The following UBE2Q2 variants were observed in gnomAD, a reference collection of about 807,000 sequenced individuals.
The protein encoded by UBE2Q2 is ubiquitin conjugating enzyme E2 Q2, also known as ubiquitin-conjugating enzyme E2 Q2.
Under a neutral mutation model 59.9 loss-of-function variants are expected in UBE2Q2, and 54 were observed. That is an observed-to-expected ratio of 0.90 (90% CI 0.72 to 1.13). The LOEUF is 1.13. Among genes scored for constraint, UBE2Q2 ranks in the 50% most tolerant of loss-of-function variants. The pLI, the probability that UBE2Q2 is intolerant of heterozygous loss-of-function variation, is 0.00. For missense variants in UBE2Q2, 433 were observed against 441.9 expected (o/e 0.98, Z 0.18); for synonymous variants, 165 against 155.2 (o/e 1.06, Z -0.47).
chr15:75,862,948 G>C (rs570454437), intron 3 of UBE2Q2, among the ~76,000 whole-genome samples: 2 of 151,844 alleles, frequency 1.3e-5, no homozygotes, highest in African/African-American at 4.8e-5. Context: ...TTATCTCCTG[G>C]TGCAATCATA....
chr15:75,899,594 TCATCTGA>T lies in UBE2Q2; in HGVS notation c.*141_*147del. 3.1e-6 allele frequency: 2 copies of T among 637,042 alleles called. No homozygotes were observed. Among genetic ancestry groups the T allele is most frequent in the Non-Finnish European group, 5.1e-6 (2 of 389,760 alleles). The allele number at this position is 637,042 out of a possible 1,614,324, so 39.5% of individuals were successfully genotyped here. A position where few individuals can be genotyped will look rare whatever the true frequency, so the allele number is the denominator to read the frequency against. On this transcript the variant is annotated 3_prime_UTR_variant, in exon 13 of 13. Coordinates refer to ENST00000267938, the MANE Select transcript of UBE2Q2 (RefSeq NM_173469.4). ...AATAGATATTTTAGTGGATAATCTG[TCATCTGA>T]CATCCAGTATAAGTTACAGCCTTTG...
At chr15:75,890,175 A>G (rs2141665821) in intron 9 of UBE2Q2, among the ~76,000 whole-genome samples, 1 of 152,342 alleles carries the variant, frequency 6.6e-6, no homozygotes, top group South Asian at 2.1e-4. Flanking sequence ...TTAATTACTG[A>G]TATCATACAA....
At chr15:75,871,105 C>G (rs2141609224) in intron 4 of UBE2Q2, among the ~76,000 whole-genome samples, 1 of 152,284 alleles carries the variant, frequency 6.6e-6, no homozygotes, top group South Asian at 2.1e-4. Context: ...GGTCAGCAGA[C>G]AAACACGTGA....
At position 75,897,593 on chromosome 15, in the gene UBE2Q2, G is replaced by T. The variant is rs1899503112; in HGVS notation, c.1096+532G>T. Among the ~76,000 whole-genome samples the T allele has an allele frequency of 4.7e-5, 7 of 150,100 alleles. No individual in the cohort carries two copies. The South Asian group carries it at 1.5e-3, about 31-fold the overall frequency. ...CTAGGTATCTCAGAGTCAGAATCAAGATTTCTTTTTTTTTTTTTTTAGTAG... is the reference window on the plus strand; with the variant it reads ...CTAGGTATCTCAGAGTCAGAATCAATATTTCTTTTTTTTTTTTTTTAGTAG... On this transcript the variant is annotated intron_variant, in intron 12 of 12. Coordinates refer to ENST00000267938, the MANE Select transcript of UBE2Q2 (RefSeq NM_173469.4).
chr15:75,864,177 C>CT (rs1268465283), intron 3 of UBE2Q2, among the ~76,000 whole-genome samples: 2 of 152,086 alleles, frequency 1.3e-5, no homozygotes, highest in East Asian at 3.9e-4. Context: ...TAAGGTTATA[C>CT]TTTGTTTCCT....
chr15:75,849,466 G>A (rs1254907656), intron 1 of UBE2Q2, among the ~76,000 whole-genome samples: 2 of 152,138 alleles, frequency 1.3e-5, no homozygotes, highest in Non-Finnish European at 2.9e-5. Context: ...TTGAGATAGA[G>A]CCACACAATG....
rs372868686 is a variant in UBE2Q2 at position 75,879,041 on chromosome 15, TAAAAA to T, written c.735-50_735-46del. ...ATACTAGTTCATTTTTGAGTTTAGT[TAAAAA>T]AAAAAATCTCTAACTTTTTATTTGA... On this transcript the variant is annotated intron_variant, in intron 7 of 12. Coordinates refer to ENST00000267938, the MANE Select transcript of UBE2Q2 (RefSeq NM_173469.4). 1.7e-5 allele frequency: 20 copies of T among 1,164,488 alleles called. No homozygotes were observed. In the African/African-American group the frequency reaches 2.4e-4, roughly 14 times the overall value. 72.1% of individuals were successfully genotyped at this position (1,164,488 alleles called of 1,614,324 possible).
intron 3 of UBE2Q2, among the ~76,000 whole-genome samples, chr15:75,861,086 A>G (rs1897185199): frequency 6.6e-6 from 1 of 152,182 alleles, no homozygotes; most frequent in Non-Finnish European, 1.5e-5. Flanking sequence ...AAATGGGGGA[A>G]CCAGTAATAA....
chr15:75,877,519 T>C (rs867470310), intron 6 of UBE2Q2, among the ~76,000 whole-genome samples: 2 of 152,052 alleles, frequency 1.3e-5, no homozygotes, highest in Non-Finnish European at 2.9e-5. Context: ...TGTTAAAGCA[T>C]ATCCATAAAA....
At chr15:75,854,084 G>A (rs1487570449) in intron 1 of UBE2Q2, among the ~76,000 whole-genome samples, 1 of 152,112 alleles carries the variant, frequency 6.6e-6, no homozygotes, top group Non-Finnish European at 1.5e-5. Flanking sequence ...TAGGTCCAGG[G>A]GCGGGAATTT....
chr15:75,855,036 AT>A (rs1417498785), intron 2 of UBE2Q2, among the ~76,000 whole-genome samples: 1 of 152,226 alleles, frequency 6.6e-6, no homozygotes, highest in Non-Finnish European at 1.5e-5. Flanking sequence ...AGGAAAAAAA[AT>A]TAAAATCTCC....
chr15:75,854,159 T>G (rs956415103), intron 1 of UBE2Q2, among the ~76,000 whole-genome samples: 3 of 152,190 alleles, frequency 2.0e-5, no homozygotes, highest in Non-Finnish European at 4.4e-5. Flanking sequence ...CCTACCAGTG[T>G]TGAAGAAAAT....
intron 2 of UBE2Q2, among the ~76,000 whole-genome samples, chr15:75,858,460 A>C (rs1236367703): frequency 6.6e-6 from 1 of 152,020 alleles, no homozygotes; most frequent in Non-Finnish European, 1.5e-5. Context: ...TCTTTTATAT[A>C]CTACTGTTCT....
At chr15:75,863,545 G>A (rs1897299564) in intron 3 of UBE2Q2, among the ~76,000 whole-genome samples, 2 of 151,616 alleles carry the variant, frequency 1.3e-5, no homozygotes, top group East Asian at 1.9e-4. Flanking sequence ...CCGGGTTCAA[G>A]TGATTCTCCT....
chr15:75,851,165 T>C (rs1254597853), intron 1 of UBE2Q2, among the ~76,000 whole-genome samples: 2 of 151,736 alleles, frequency 1.3e-5, no homozygotes. Flanking sequence ...GGGGGTTCAC[T>C]GTGTTGCCCA....
intron 11 of UBE2Q2, among the ~76,000 whole-genome samples, chr15:75,892,859 C>G (rs1453220405): frequency 9.2e-5 from 14 of 152,158 alleles, no homozygotes; most frequent in Non-Finnish European, 2.1e-4. Context: ...GACAGTGAGA[C>G]TCTGTCTCAA....
At position 75,876,170 on chromosome 15, in the gene UBE2Q2, T is replaced by C. The variant is rs751923831; in HGVS notation, c.589-17T>C. ...TAGCTCAGCAGACCCTGGTAAACAG[T>C]GGCTTTTGTGTTTCAGGGTGCAGTG... On this transcript the variant is annotated splice_polypyrimidine_tract_variant and intron_variant, in intron 5 of 12. Coordinates refer to ENST00000267938, the MANE Select transcript of UBE2Q2 (RefSeq NM_173469.4). 4.3e-6 allele frequency: 7 copies of C among 1,612,756 alleles called. No individual in the cohort carries two copies. Among genetic ancestry groups the C allele is most frequent in the Non-Finnish European group, 5.9e-6 (7 of 1,179,358 alleles).
At chr15:75,849,069 A>G (rs1333146280) in intron 1 of UBE2Q2, among the ~76,000 whole-genome samples, 1 of 152,220 alleles carries the variant, frequency 6.6e-6, no homozygotes, top group Non-Finnish European at 1.5e-5. Flanking sequence ...TTTTATTTCA[A>G]CAAGTGTTAG....
chr15:75,854,727 C>T (rs2141556171), intron 2 of UBE2Q2, among the ~76,000 whole-genome samples: 1 of 151,814 alleles, frequency 6.6e-6, no homozygotes, highest in South Asian at 2.1e-4. Flanking sequence ...TCCCTGAATT[C>T]TAACCATTAA....
Sources: gnomAD v4.1 joint callset for allele counts (sites outside exome capture counted in the v4.1 genomes callset) on GRCh38, gnomAD v4.1.1 for gene constraint, MANE v1.5 for transcripts, NCBI Gene and HGNC (gene_info 2026-07-23, HGNC 2026-07-21) for gene names.